Variants in CAMTA1 observed in about 807,000 individuals in gnomAD.
CAMTA1 encodes the protein calmodulin-binding transcription activator 1.
CAMTA1 carries 27 observed loss-of-function variants against 170.9 expected under a neutral mutation model. The observed-to-expected ratio is 0.16, with a 90% CI of 0.12 to 0.22. The LOEUF is 0.22. CAMTA1 is among the 10% of genes least tolerant of loss of function. CAMTA1 has a pLI of 1.00. For synonymous variants in CAMTA1, 833 were observed against 891.5 expected, an observed-to-expected ratio of 0.93 and a Z score of 1.17; for missense variants, 1,619 against 2,217.2, an observed-to-expected ratio of 0.73 and a Z score of 5.42.
At chr1:7,387,046 C>A (rs1557632887) in intron 5 of CAMTA1, among the ~76,000 whole-genome samples, 1 of 152,134 alleles carries the variant, frequency 6.6e-6, no homozygotes, top group Admixed American at 6.5e-5. Context: ...CCCCTGGAAC[C>A]CTGCCCTTGG....
At chr1:7,697,244 C>T (rs1247089874) in intron 11 of CAMTA1, among the ~76,000 whole-genome samples, 1 of 151,536 alleles carries the variant, frequency 6.6e-6, no homozygotes, top group East Asian at 2.0e-4. Context: ...CGGGTTCTAT[C>T]CCCTGAGCCC....
At chr1:7,105,205 T>G (rs1402839445) in intron 4 of CAMTA1, among the ~76,000 whole-genome samples, 2 of 152,236 alleles carry the variant, frequency 1.3e-5, no homozygotes, top group Non-Finnish European at 2.9e-5. Context: ...TATTCATAAC[T>G]TATTTTATTA....
intron 3 of CAMTA1, among the ~76,000 whole-genome samples, chr1:6,931,005 T>C (rs2149373985): frequency 6.6e-6 from 1 of 152,382 alleles, no homozygotes; most frequent in East Asian, 1.9e-4. Context: ...TTGATTCTTC[T>C]GTTCTCTGGT....
chr1:7,664,803 C>T lies in CAMTA1; in HGVS notation c.2256C>T (p.Leu752=), dbSNP rs142413592. ...QGLYPVAQPS[L]GNASNMELSL... is the part of the protein sequence containing the mutation. ...TCTACCCCGTGGCCCAGCCCAGCCT[C>T]GGCAACGCCTCCAACATGGAGCTCA... The change falls in exon 9 of 23, where the codon CTC becomes CTT. Residue 752 remains leucine, a synonymous_variant. Transcript: ENST00000303635. The T allele has an allele frequency of 1.4e-5, 23 of 1,613,030 alleles. No individual in the cohort carries two copies. Among genetic ancestry groups the T allele is most frequent in the East Asian group, 2.2e-5 (1 of 44,878 alleles).
intron 4 of CAMTA1, among the ~76,000 whole-genome samples, chr1:7,100,852 G>C (rs1642629579): frequency 6.6e-6 from 1 of 152,200 alleles, no homozygotes; most frequent in Non-Finnish European, 1.5e-5. Flanking sequence ...GATCTCGATG[G>C]CTTTTATTTT....
At chr1:6,994,700 C>T (rs1696923092) in intron 3 of CAMTA1, among the ~76,000 whole-genome samples, 1 of 151,804 alleles carries the variant, frequency 6.6e-6, no homozygotes, top group African/African-American at 2.4e-5. Context: ...CAAGGTCTGG[C>T]TCTATCACCC....
At chr1:7,470,253 A>C (rs2093306089) in intron 6 of CAMTA1, among the ~76,000 whole-genome samples, 2 of 152,232 alleles carry the variant, frequency 1.3e-5, no homozygotes, top group Admixed American at 6.5e-5. Context: ...TTAAGGAGCT[A>C]AGGCCAAAGC....
chr1:7,285,197 T>C (rs774165968), intron 5 of CAMTA1, among the ~76,000 whole-genome samples: 6 of 152,232 alleles, frequency 3.9e-5, no homozygotes, highest in Non-Finnish European at 7.3e-5. Flanking sequence ...TCACCACTGA[T>C]GATGAGAAAA....
intron 5 of CAMTA1, among the ~76,000 whole-genome samples, chr1:7,407,914 A>G (rs2090416523): frequency 6.6e-6 from 1 of 152,138 alleles, no homozygotes; most frequent in East Asian, 1.9e-4. Flanking sequence ...CCTGCATTCA[A>G]CGAAGGTTCT....
chr1:7,105,034 C>T (rs895453235), intron 4 of CAMTA1, among the ~76,000 whole-genome samples: 1 of 152,168 alleles, frequency 6.6e-6, no homozygotes, highest in Non-Finnish European at 1.5e-5. Context: ...CTGGGAATAT[C>T]TCTAGTTACG....
At chr1:6,911,966 C>T (rs1346947221) in intron 3 of CAMTA1, among the ~76,000 whole-genome samples, 1 of 152,160 alleles carries the variant, frequency 6.6e-6, no homozygotes, top group African/African-American at 2.4e-5. Context: ...TCCTGAATCC[C>T]TGCTCTCTTT....
At chr1:7,401,753 G>C (rs1023552129) in intron 5 of CAMTA1, among the ~76,000 whole-genome samples, 1 of 152,112 alleles carries the variant, frequency 6.6e-6, no homozygotes, top group Admixed American at 6.5e-5. Flanking sequence ...AAATGATACT[G>C]TTTTTTCCTC....
intron 6 of CAMTA1, among the ~76,000 whole-genome samples, chr1:7,593,196 A>G (rs915896869): frequency 6.6e-5 from 10 of 152,206 alleles, no homozygotes; most frequent in African/African-American, 2.2e-4. Context: ...GAAACAGCAT[A>G]TCTTGCACAG....
intron 5 of CAMTA1, among the ~76,000 whole-genome samples, chr1:7,354,539 T>C (rs577009068): frequency 3.0e-4 from 45 of 152,306 alleles, no homozygotes; most frequent in Middle Eastern, 6.8e-3. Context: ...AATGAACATG[T>C]GTCTTTGCGG....
intron 1 of CAMTA1, among the ~76,000 whole-genome samples, chr1:6,805,890 T>G (rs998047711): frequency 2.0e-5 from 3 of 152,130 alleles, no homozygotes; most frequent in African/African-American, 2.4e-5. Context: ...TTTGTTTTTT[T>G]TTTTGGTCAC....
chr1:7,119,612 A>G (rs1644529469), intron 4 of CAMTA1, among the ~76,000 whole-genome samples: 1 of 152,074 alleles, frequency 6.6e-6, no homozygotes, highest in Admixed American at 6.6e-5. Context: ...CTTCTGGGCT[A>G]ATTGGTGGGT....
rs1323745600 is a variant in CAMTA1 at position 7,609,967 on chromosome 1, C to T, written c.511-30433C>T. Among the ~76,000 whole-genome samples the T allele has an allele frequency of 1.3e-5, 2 of 152,180 alleles. No homozygotes were observed. The highest frequency in any genetic ancestry group is 4.8e-5 in the African/African-American group (2 of 41,448). The stretch of plus-strand genomic sequence containing the variant: ...ACTGTGGGGTCTCCAAGTCTCTTTA[C>T]CTGAAATACAGCACCTGCCGGGTCT... On this transcript the variant is annotated intron_variant, in intron 6 of 22. Coordinates refer to ENST00000303635, the MANE Select transcript of CAMTA1 (RefSeq NM_015215.4). The surrounding 1 kb of genome is among the most constrained non-coding windows in gnomAD (Gnocchi z 4.4).
At chr1:7,449,784 AAAAAG>A (rs1386991449) in intron 5 of CAMTA1, among the ~76,000 whole-genome samples, 2 of 151,210 alleles carry the variant, frequency 1.3e-5, no homozygotes, top group African/African-American at 4.9e-5. Context: ...AAAAAAAAAA[AAAAAG>A]AAAGAAAGAA....
chr1:7,007,372 G>A lies in CAMTA1; in HGVS notation c.235-83932G>A, dbSNP rs902031269. 6.6e-6 allele frequency among the ~76,000 whole-genome samples: 1 copy of A among 152,218 alleles called. No homozygotes were observed. Among genetic ancestry groups the A allele is most frequent in the African/African-American group, 2.4e-5 (1 of 41,454 alleles). ...ACCCTTGCTAAGGACACAGGCAGCT[G>A]TACGCCAGAGCCTGTGGGCCACCCC... On this transcript the variant is annotated intron_variant, in intron 3 of 22. Coordinates refer to ENST00000303635, the MANE Select transcript of CAMTA1 (RefSeq NM_015215.4). This position sits in a 1 kb window ranked among gnomAD's most constrained non-coding sequence, Gnocchi z 4.5.
Sources: allele counts gnomAD v4.1 joint callset (sites outside exome capture counted in the v4.1 genomes callset), GRCh38; gene constraint gnomAD v4.1.1; non-coding constraint Gnocchi (gnomAD v3.1); transcripts MANE v1.5; gene names NCBI Gene and HGNC (gene_info 2026-07-23, HGNC 2026-07-21).